The following NUP153 variants were observed in gnomAD, a reference collection of about 807,000 sequenced individuals.
NUP153 encodes nuclear pore complex protein Nup153.
In NUP153, 27 loss-of-function variants were observed where a neutral mutation model predicts 134.6. The observed-to-expected ratio is 0.20, with a 90% CI of 0.15 to 0.28. The LOEUF (loss-of-function observed/expected upper bound fraction) is 0.28, where lower values mean the gene tolerates loss of function less well. NUP153 is among the 10% of genes least tolerant of loss of function. NUP153 has a pLI of 1.00. For synonymous variants in NUP153, 640 were observed against 623.5 expected (o/e 1.03, Z -0.40); for missense variants, 1,821 against 1,731.3 (o/e 1.05, Z -0.92).
intron 17 of NUP153, among the ~76,000 whole-genome samples, chr6:17,629,753 A>G (rs1765135115): frequency 6.6e-6 from 1 of 152,184 alleles, no homozygotes; most frequent in Non-Finnish European, 1.5e-5. Flanking sequence ...CTGACAAGCC[A>G]CTTTTCATTT....
At chr6:17,646,015 A>G (rs1407748605) in intron 14 of NUP153, 52 bp downstream of exon 14, 11 of 731,292 alleles carry the variant, frequency 1.5e-5, no homozygotes, top group Admixed American at 2.5e-5. Context: ...TGAAATACTA[A>G]TCTACTGTAT....
chr6:17,653,158 C>T (rs1288640902), intron 11 of NUP153, among the ~76,000 whole-genome samples: 1 of 152,134 alleles, frequency 6.6e-6, no homozygotes, highest in African/African-American at 2.4e-5. Context: ...GAGGCTGACA[C>T]GGGAGAGTTG....
intron 12 of NUP153, among the ~76,000 whole-genome samples, chr6:17,648,738 A>C (rs1357393432): frequency 6.6e-6 from 1 of 152,096 alleles, no homozygotes; most frequent in African/African-American, 2.4e-5. Context: ...AGGAGATGGA[A>C]GCTGCAATGA....
intron 11 of NUP153, among the ~76,000 whole-genome samples, chr6:17,660,524 T>C (rs981151901): frequency 6.6e-6 from 1 of 151,892 alleles, no homozygotes; most frequent in African/African-American, 2.4e-5. Context: ...TCAGAATATA[T>C]AGAGAACTCT....
chr6:17,701,016 G>C (rs1368866397), intron 1 of NUP153, among the ~76,000 whole-genome samples: 2 of 151,932 alleles, frequency 1.3e-5, no homozygotes, highest in Admixed American at 1.3e-4. Context: ...ACTTGAGGTC[G>C]GGAGTTCGAG....
chr6:17,624,132 G>A (rs1764793230), intron 20 of NUP153, among the ~76,000 whole-genome samples: 4 of 152,126 alleles, frequency 2.6e-5, no homozygotes, highest in Admixed American at 2.6e-4. Flanking sequence ...AAATGGAAAG[G>A]CTGGTATCAT....
intron 8 of NUP153, among the ~76,000 whole-genome samples, chr6:17,665,943 C>T (rs1173894867): frequency 6.6e-6 from 1 of 151,710 alleles, no homozygotes; most frequent in Non-Finnish European, 1.5e-5. Context: ...CCTGCCTCAA[C>T]CTCCCAAAGT....
intron 11 of NUP153, among the ~76,000 whole-genome samples, chr6:17,651,211 G>C (rs1475177336): frequency 1.3e-5 from 2 of 152,132 alleles, no homozygotes; most frequent in African/African-American, 4.8e-5. Context: ...GCTGAGGTGG[G>C]AGAATGGCCT....
rs1303237208 is a variant in NUP153, at chr6:17,640,068, T to A, written c.1721-4A>T. 5.2e-6 allele frequency: 8 copies of A among 1,540,410 alleles called. No individual in the cohort carries two copies. The highest frequency in any genetic ancestry group is 7.0e-6 in the Non-Finnish European group (8 of 1,146,738). On this transcript the variant is annotated splice_polypyrimidine_tract_variant and splice_region_variant and intron_variant, in intron 14 of 21. Transcript: ENST00000262077. ...TTCACTGTAGTGACATGATGAGCTG[T>A]AATTTTTTTAAATTTAATAACATTA...
intron 5 of NUP153, among the ~76,000 whole-genome samples, chr6:17,671,650 T>C (rs570565127): frequency 6.6e-6 from 1 of 152,216 alleles, no homozygotes; most frequent in South Asian, 2.1e-4. Context: ...ATGTTCATGG[T>C]TTGGAAGACT....
At chr6:17,646,529 C>A (rs987583135) in intron 13 of NUP153, among the ~76,000 whole-genome samples, 1 of 151,850 alleles carries the variant, frequency 6.6e-6, no homozygotes, top group African/African-American at 2.4e-5. Flanking sequence ...TATTTTTATC[C>A]CAAGTCAAAA....
chr6:17,695,763 A>T (rs868408315), intron 1 of NUP153, among the ~76,000 whole-genome samples: 16 of 152,184 alleles, frequency 1.1e-4, no homozygotes, highest in Non-Finnish European at 1.9e-4. Flanking sequence ...TAATCCCAAC[A>T]CTTTAGGAGG....
At chr6:17,673,420 A>T (rs1441702877) in intron 5 of NUP153, among the ~76,000 whole-genome samples, 7 of 152,206 alleles carry the variant, frequency 4.6e-5, no homozygotes, top group African/African-American at 1.7e-4. Context: ...AATGGGAGAA[A>T]ATATTCGCAA....
rs1339613605 is a variant in NUP153, at chr6:17,701,842, G to GGGC, written c.111+4434_111+4435insGCC. Among the ~76,000 whole-genome samples the GGGC allele has an allele frequency of 3.9e-5, 4 of 103,030 alleles. No individual in the cohort carries two copies. In the East Asian group the frequency reaches 1.1e-3, roughly 29 times the overall value. The allele number at this position is 103,030 out of a possible 152,430, so 67.6% of individuals were successfully genotyped here. ...AGCAAGACTCTGTCTCGGGGGGGGG[G>GGGC]GGAAAAAAGCTAAATGCAGGAACTG... On this transcript the variant is annotated intron_variant, in intron 1 of 21. Coordinates refer to ENST00000262077, the MANE Select transcript of NUP153 (RefSeq NM_005124.4).
intron 1 of NUP153, among the ~76,000 whole-genome samples, chr6:17,689,215 A>G (rs1185644378): frequency 2.6e-5 from 4 of 151,858 alleles, no homozygotes; most frequent in African/African-American, 4.8e-5. Context: ...GAGAAACCCC[A>G]TCTCTACTAA....
intron 20 of NUP153, chr6:17,619,628 T>A (rs547620363): frequency 6.6e-6 from 1 of 152,346 alleles, no homozygotes; most frequent in South Asian, 2.1e-4. Flanking sequence ...AAGTGTTCTA[T>A]ATTTTTAAAC....
At chr6:17,672,475 C>T (rs1400280205) in intron 5 of NUP153, among the ~76,000 whole-genome samples, 1 of 152,098 alleles carries the variant, frequency 6.6e-6, no homozygotes, top group Non-Finnish European at 1.5e-5. Context: ...ACTCAGGAGG[C>T]TAAAGTGGGA....
intron 1 of NUP153, among the ~76,000 whole-genome samples, chr6:17,703,879 A>T (rs908068515): frequency 6.6e-6 from 1 of 152,230 alleles, no homozygotes; most frequent in African/African-American, 2.4e-5. Flanking sequence ...ATCAAGATTT[A>T]AAACAAAACT....
In NUP153 at chr6:17,673,354, G is replaced by GA. The variant is rs200517318; in HGVS notation, c.852+1550dup. ...GCGACAGCACAAGACCTGTCTCAGA[G>GA]AAAAAAAAAATAACAACTTCTGCTC... is the stretch of plus-strand genomic sequence containing the variant. On this transcript the variant is annotated intron_variant, in intron 5 of 21. Transcript: ENST00000262077. 3.0e-3 allele frequency among the ~76,000 whole-genome samples: 448 copies of GA among 147,506 alleles called. 3 individuals are homozygous for GA. The highest frequency in any genetic ancestry group is 0.021 in the East Asian group (107 of 5,066).
Sources: gnomAD v4.1 joint callset for allele counts (sites outside exome capture counted in the v4.1 genomes callset) on GRCh38, gnomAD v4.1.1 for gene constraint, MANE v1.5 for transcripts, NCBI Gene and HGNC (gene_info 2026-07-23, HGNC 2026-07-21) for gene names.